The following RPTOR variants were observed in gnomAD, a reference collection of about 807,000 sequenced individuals.
The protein encoded by RPTOR is regulatory-associated protein of mTOR.
RPTOR carries 21 observed loss-of-function variants against 169.9 expected under a neutral mutation model. The ratio of observed to expected loss-of-function variants is 0.12; its 90% CI spans 0.09 to 0.18. RPTOR has a LOEUF of 0.18. Ranked by LOEUF, RPTOR falls within the 10% of genes least tolerant of loss-of-function variation. RPTOR has a pLI of 1.00. For missense variants in RPTOR, 1,133 were observed against 1,855.9 expected, an observed-to-expected ratio of 0.61 and a Z score of 7.16; for synonymous variants, 732 against 753.2, an observed-to-expected ratio of 0.97 and a Z score of 0.46.
At position 80,841,956 on chromosome 17, in the gene RPTOR, G is replaced by A. The variant is rs1340605500; in HGVS notation, c.1212+3959G>A. ...CACCGCACGGCAGCTCACACTCACC[G>A]CACGGCAGCTCACTCTCACCGCACC... On this transcript the variant is annotated intron_variant, in intron 10 of 33. Coordinates refer to ENST00000306801, the MANE Select transcript of RPTOR (RefSeq NM_020761.3). Among the ~76,000 whole-genome samples, 48 of 136,608 alleles carry A rather than the reference G, an allele frequency of 3.5e-4. 1 individual carries two copies. The highest frequency in any genetic ancestry group is 1.1e-3 in the African/African-American group (39 of 35,892). 89.6% of individuals were successfully genotyped at this position (136,608 alleles called of 152,430 possible).
intron 5 of RPTOR, among the ~76,000 whole-genome samples, chr17:80,752,812 A>G (rs2066642761): frequency 1.3e-5 from 2 of 152,194 alleles, no homozygotes; most frequent in Non-Finnish European, 1.5e-5. Context: ...AAACCTTTGA[A>G]TGTAATGCAT....
chr17:80,586,594 T>C (rs1398451423), intron 1 of RPTOR, among the ~76,000 whole-genome samples: 1 of 152,236 alleles, frequency 6.6e-6, no homozygotes, highest in Non-Finnish European at 1.5e-5. Flanking sequence ...GGTCCGGGCA[T>C]GGCAGCCCTC....
At chr17:80,828,284 G>A (rs977835101) in intron 9 of RPTOR, among the ~76,000 whole-genome samples, 1 of 152,174 alleles carries the variant, frequency 6.6e-6, no homozygotes, top group Non-Finnish European at 1.5e-5. Context: ...GAGACCATGC[G>A]AGGTCTCAGG....
chr17:80,940,152 G>A (rs1238328320), intron 24 of RPTOR, among the ~76,000 whole-genome samples: 1 of 151,918 alleles, frequency 6.6e-6, no homozygotes, highest in Non-Finnish European at 1.5e-5. Context: ...CACAGGTGCT[G>A]CATCCGCAGA....
intron 1 of RPTOR, among the ~76,000 whole-genome samples, chr17:80,578,320 T>G (rs1017494184): frequency 2.6e-5 from 4 of 152,032 alleles, no homozygotes; most frequent in Non-Finnish European, 5.9e-5. Flanking sequence ...AGAGGTGAAG[T>G]AATTTGCAGA....
At chr17:80,808,974 C>T (rs1437654885) in intron 7 of RPTOR, among the ~76,000 whole-genome samples, 5 of 152,220 alleles carry the variant, frequency 3.3e-5, no homozygotes, top group Admixed American at 2.6e-4. Context: ...TGTAAACATT[C>T]ATGTGCAAGT....
Position 80,726,454 on chromosome 17 carries a change from C to T in RPTOR, c.508-4106C>T, listed in dbSNP as rs2066335611. Among the ~76,000 whole-genome samples the T allele has an allele frequency of 6.9e-6, 1 of 144,462 alleles. No homozygotes were observed. The highest frequency in any genetic ancestry group is 6.9e-5 in the Admixed American group (1 of 14,468). 94.8% of individuals were successfully genotyped at this position (144,462 alleles called of 152,430 possible). A position where few individuals can be genotyped will look rare whatever the true frequency, so the allele number is the denominator to read the frequency against. On this transcript the variant is annotated intron_variant, in intron 4 of 33. Coordinates refer to ENST00000306801, the MANE Select transcript of RPTOR (RefSeq NM_020761.3). This position sits in a 1 kb window ranked among gnomAD's most constrained non-coding sequence, Gnocchi z 4.5. ...CCTCATGGTTATGACGGATCATCTT[C>T]CTGAACTTTGCATCTCAGAATTTAA...
intron 5 of RPTOR, among the ~76,000 whole-genome samples, chr17:80,752,422 A>G (rs1386674093): frequency 1.3e-5 from 2 of 152,232 alleles, no homozygotes; most frequent in Admixed American, 1.3e-4. Flanking sequence ...AGCTGAAAGC[A>G]TTCTGTTTGG....
At chr17:80,674,787 CAAAA>C (rs9319608) in intron 3 of RPTOR, among the ~76,000 whole-genome samples, 1,391 of 89,970 alleles carry the variant, frequency 0.015, 89 homozygotes, top group African/African-American at 0.052. Context: ...GACTCTGTCT[CAAAA>C]AAAAAAAAAA....
At position 80,754,803 on chromosome 17, in the gene RPTOR, T is replaced by C. The variant is rs531607760; in HGVS notation, c.830+618T>C. On this transcript the variant is annotated intron_variant, in intron 6 of 33. Transcript: ENST00000306801. The surrounding 1 kb of genome is among the most constrained non-coding windows in gnomAD (Gnocchi z 4.2). Reference sequence around the variant, plus strand: ...TAGACCATCTTGCCAGTCTTTAATATCTCCTTTCCCATTTTATGTTTTGCT... The same window carrying C: ...TAGACCATCTTGCCAGTCTTTAATACCTCCTTTCCCATTTTATGTTTTGCT... Among the ~76,000 whole-genome samples the C allele has an allele frequency of 6.6e-6, 1 of 152,276 alleles. No homozygotes were observed. Among genetic ancestry groups the C allele is most frequent in the Admixed American group, 6.5e-5 (1 of 15,296 alleles).
intron 33 of RPTOR, among the ~76,000 whole-genome samples, chr17:80,963,971 G>A (rs2069387714): frequency 6.6e-6 from 1 of 152,204 alleles, no homozygotes; most frequent in African/African-American, 2.4e-5. Flanking sequence ...CTCCAGGCAT[G>A]TAGCTCTGCT....
intron 7 of RPTOR, among the ~76,000 whole-genome samples, chr17:80,821,376 C>G (rs753590197): frequency 6.6e-6 from 1 of 152,318 alleles, no homozygotes; most frequent in African/African-American, 2.4e-5. Flanking sequence ...AATTGCTGAT[C>G]AGCTAAATCT....
chr17:80,683,737 G>A (rs934515402), intron 3 of RPTOR, among the ~76,000 whole-genome samples: 4 of 151,808 alleles, frequency 2.6e-5, no homozygotes, highest in African/African-American at 4.8e-5. Context: ...CCCTGATTTC[G>A]CTGCCACCCT....
At chr17:80,613,251 C>G (rs1161116624) in intron 1 of RPTOR, among the ~76,000 whole-genome samples, 1 of 152,196 alleles carries the variant, frequency 6.6e-6, no homozygotes, top group East Asian at 1.9e-4. Context: ...CTTTGCCTTG[C>G]AAAGCTTTCC....
intron 7 of RPTOR, among the ~76,000 whole-genome samples, chr17:80,811,290 G>A (rs937513855): frequency 7.9e-5 from 12 of 152,146 alleles, no homozygotes; most frequent in African/African-American, 2.4e-4. Context: ...AGTTTTTCTC[G>A]TGAGTTCTTG....
chr17:80,687,035 A>G (rs2065953513), intron 3 of RPTOR, among the ~76,000 whole-genome samples: 1 of 152,198 alleles, frequency 6.6e-6, no homozygotes, highest in Non-Finnish European at 1.5e-5. Context: ...TTCCATAACC[A>G]AAATACATCA....
intron 6 of RPTOR, among the ~76,000 whole-genome samples, chr17:80,772,453 A>G (rs1417198936): frequency 1.7e-5 from 1 of 59,578 alleles, no homozygotes; most frequent in Non-Finnish European, 3.1e-5. Context: ...ACATGCCTGG[A>G]CCCCCTTCCT....
intron 6 of RPTOR, among the ~76,000 whole-genome samples, chr17:80,758,151 G>C (rs1020754845): frequency 6.6e-6 from 1 of 152,190 alleles, no homozygotes; most frequent in Non-Finnish European, 1.5e-5. Flanking sequence ...GAAAATTCAT[G>C]ATTTCAATGG....
At chr17:80,769,777 G>A (rs998933404) in intron 6 of RPTOR, among the ~76,000 whole-genome samples, 2 of 152,234 alleles carry the variant, frequency 1.3e-5, no homozygotes, top group Admixed American at 6.5e-5. Context: ...AGGCCTGAAC[G>A]CATCTCGACC....
Sources: gnomAD v4.1 joint callset for allele counts (sites outside exome capture counted in the v4.1 genomes callset) on GRCh38, gnomAD v4.1.1 for gene constraint, Gnocchi (gnomAD v3.1) non-coding constraint, MANE v1.5 for transcripts, NCBI Gene and HGNC (gene_info 2026-07-23, HGNC 2026-07-21) for gene names.